PRKCE: variants seen among roughly 807,000 people sequenced by gnomAD.
The protein encoded by PRKCE is protein kinase C epsilon type.
A neutral mutation model predicts 85.4 loss-of-function variants in PRKCE; 16 were observed. The ratio of observed to expected loss-of-function variants is 0.19; its 90% CI spans 0.13 to 0.28. The LOEUF is 0.28. Among genes scored for constraint, PRKCE ranks in the 10% least tolerant of loss-of-function variants. The pLI is 1.00. For missense variants in PRKCE, 573 were observed against 975.2 expected (o/e 0.59, Z 5.49); for synonymous variants, 388 against 371.5 (o/e 1.04, Z -0.51).
intron 2 of PRKCE, among the ~76,000 whole-genome samples, chr2:45,921,279 A>G (rs1698227703): frequency 6.6e-6 from 1 of 152,220 alleles, no homozygotes; most frequent in Non-Finnish European, 1.5e-5. Context: ...TGGAGTTGGA[A>G]CTGCCAGAAT....
chr2:46,043,512 A>G (rs1436308694), intron 10 of PRKCE, among the ~76,000 whole-genome samples: 1 of 152,208 alleles, frequency 6.6e-6, no homozygotes, highest in Non-Finnish European at 1.5e-5. Context: ...GTATACCCCT[A>G]GAGATAAGGC....
At chr2:46,008,070 T>C (rs1048516584) in intron 9 of PRKCE, among the ~76,000 whole-genome samples, 113 of 152,374 alleles carry the variant, frequency 7.4e-4, no homozygotes, top group African/African-American at 2.7e-3. Context: ...AGAATGAATC[T>C]CTGCCCTCAG....
intron 2 of PRKCE, among the ~76,000 whole-genome samples, chr2:45,952,424 A>G (rs552360062): frequency 3.9e-5 from 6 of 152,352 alleles, no homozygotes; most frequent in African/African-American, 1.4e-4. Flanking sequence ...TTTTAAACCA[A>G]TAAAACACCC....
chr2:46,010,904 G>C, intron 10 of PRKCE: 1 of 1,473,202 alleles, frequency 6.8e-7, no homozygotes, highest in Non-Finnish European at 8.9e-7. Context: ...AAGAGTAAAG[G>C]CCACCTTAAT....
chr2:45,811,917 A>G lies in PRKCE; in HGVS notation c.349-31083A>G, dbSNP rs1165611181. 2.0e-5 allele frequency among the ~76,000 whole-genome samples: 3 copies of G among 152,216 alleles called. No homozygotes were observed. The East Asian group carries it at 5.8e-4, about 29-fold the overall frequency. Reference sequence around the variant, plus strand: ...TTTATACCTCCATGCGTACACACAGACACACACACCCCTCCCATGTATTTA... The same window carrying G: ...TTTATACCTCCATGCGTACACACAGGCACACACACCCCTCCCATGTATTTA... On this transcript the variant is annotated intron_variant, in intron 1 of 14. Coordinates refer to ENST00000306156, the MANE Select transcript of PRKCE (RefSeq NM_005400.3).
chr2:45,710,495 G>A (rs779043153), intron 1 of PRKCE, among the ~76,000 whole-genome samples: 4 of 152,198 alleles, frequency 2.6e-5, no homozygotes, highest in African/African-American at 4.8e-5. Flanking sequence ...GTGGAACCCT[G>A]GAGTGTTTTT....
chr2:46,029,555 C>T (rs546679154), intron 10 of PRKCE, among the ~76,000 whole-genome samples: 4 of 152,266 alleles, frequency 2.6e-5, no homozygotes, highest in Admixed American at 6.5e-5. Flanking sequence ...CTCCCTGTAT[C>T]CCTCAGTCCC....
intron 14 of PRKCE, among the ~76,000 whole-genome samples, chr2:46,180,366 G>T (rs2104717108): frequency 6.6e-6 from 1 of 152,266 alleles, no homozygotes; most frequent in East Asian, 1.9e-4. Context: ...GGGGGATGAG[G>T]CAAGGACAAG....
chr2:46,182,320 C>A (rs1187975349), intron 14 of PRKCE, among the ~76,000 whole-genome samples: 1 of 152,186 alleles, frequency 6.6e-6, no homozygotes, highest in Non-Finnish European at 1.5e-5. Flanking sequence ...CCAGGCGCCA[C>A]CCTCCCGCGT....
At position 45,845,929 on chromosome 2, in the gene PRKCE, C is replaced by G. The variant is rs138522001; in HGVS notation, c.412+2866C>G. 3.3e-3 allele frequency among the ~76,000 whole-genome samples: 502 copies of G among 152,272 alleles called. 5 individuals are homozygous for G. The highest frequency in any genetic ancestry group is 0.012 in the African/African-American group (478 of 41,546). On this transcript the variant is annotated intron_variant, in intron 2 of 14. Transcript: ENST00000306156. ...AATAGACATCTGTCAGAGCTCGTGG[C>G]TGAGGGCTGGCTAATATGTACAGAA... is the stretch of plus-strand genomic sequence containing the variant.
intron 12 of PRKCE, among the ~76,000 whole-genome samples, chr2:46,148,602 C>G (rs545241918): frequency 6.6e-6 from 1 of 152,360 alleles, no homozygotes; most frequent in African/African-American, 2.4e-5. Flanking sequence ...TAGATACACA[C>G]AGTGGCCATG....
intron 10 of PRKCE, among the ~76,000 whole-genome samples, chr2:46,014,150 A>G (rs1424683181): frequency 6.6e-6 from 1 of 152,196 alleles, no homozygotes; most frequent in Non-Finnish European, 1.5e-5. Flanking sequence ...GGCTAGTGAG[A>G]AAAAGCAGAC....
chr2:45,719,085 G>T (rs111325319), intron 1 of PRKCE, among the ~76,000 whole-genome samples: 4 of 152,338 alleles, frequency 2.6e-5, no homozygotes, highest in African/African-American at 9.6e-5. Context: ...TGGAAAAATG[G>T]TTTATTAGCA....
chr2:45,839,889 A>T (rs544235578), intron 1 of PRKCE, among the ~76,000 whole-genome samples: 1 of 152,280 alleles, frequency 6.6e-6, no homozygotes, highest in East Asian at 1.9e-4. Context: ...TAATAGCTTA[A>T]TTTCTATTTT....
At chr2:45,993,050 GCATTC>G (rs1233520003) in intron 6 of PRKCE, among the ~76,000 whole-genome samples, 2 of 151,886 alleles carry the variant, frequency 1.3e-5, no homozygotes, top group Non-Finnish European at 2.9e-5. Context: ...GCACTGAGAG[GCATTC>G]TGGAAAGAGA....
intron 2 of PRKCE, among the ~76,000 whole-genome samples, chr2:45,958,814 ATATTTTTTT>A (rs1217934527): frequency 7.9e-5 from 2 of 25,456 alleles, no homozygotes; most frequent in African/African-American, 3.2e-4. Context: ...ATATATATAT[ATATTTTTTT>A]TTTTTTTTTT....
chr2:46,058,721 G>T (rs1332087640), intron 10 of PRKCE, among the ~76,000 whole-genome samples: 1 of 151,124 alleles, frequency 6.6e-6, no homozygotes, highest in African/African-American at 2.5e-5. Flanking sequence ...ATTGAGACAG[G>T]GTCTTGCTCT....
intron 1 of PRKCE, among the ~76,000 whole-genome samples, chr2:45,729,795 G>T (rs545720071): frequency 6.6e-4 from 101 of 152,282 alleles, no homozygotes; most frequent in African/African-American, 2.3e-3. Context: ...GACTGCTCTG[G>T]CCATCCTTGA....
intron 2 of PRKCE, among the ~76,000 whole-genome samples, chr2:45,881,577 C>A (rs1026629495): frequency 1.3e-5 from 2 of 152,214 alleles, no homozygotes; most frequent in Admixed American, 6.5e-5. Flanking sequence ...TTACATAGTG[C>A]TTACTATTCC....
Sources: gnomAD v4.1 joint callset for allele counts (sites outside exome capture counted in the v4.1 genomes callset) on GRCh38, gnomAD v4.1.1 for gene constraint, MANE v1.5 for transcripts, NCBI Gene and HGNC (gene_info 2026-07-23, HGNC 2026-07-21) for gene names.